Variants in DOCK1 observed in about 807,000 individuals in gnomAD.
The protein encoded by DOCK1 is dedicator of cytokinesis 1, also known as dedicator of cytokinesis protein 1.
DOCK1 carries 138 observed loss-of-function variants against 262.7 expected under a neutral mutation model. The ratio of observed to expected loss-of-function variants is 0.53; its 90% CI spans 0.46 to 0.61. The LOEUF (loss-of-function observed/expected upper bound fraction) is 0.61, where lower values mean the gene tolerates loss of function less well. DOCK1 is among the 20% of genes least tolerant of loss of function. The probability of loss-of-function intolerance (pLI) is 0.00; values close to 1 mark genes in which losing one functional copy is unlikely to be tolerated. For missense variants in DOCK1, 1,908 were observed against 2,370.7 expected (o/e 0.80, Z 4.05); for synonymous variants, 866 against 867.4 (o/e 1.00, Z 0.03).
chr10:127,248,759 A>C (rs2059517133), intron 28 of DOCK1, among the ~76,000 whole-genome samples: 1 of 152,180 alleles, frequency 6.6e-6, no homozygotes, highest in South Asian at 2.1e-4. Context: ...CTAAGATTCC[A>C]TTTCTAAGGA....
chr10:127,154,084 T>C (rs947159491), intron 27 of DOCK1, among the ~76,000 whole-genome samples: 2 of 152,230 alleles, frequency 1.3e-5, no homozygotes, highest in Non-Finnish European at 2.9e-5. Flanking sequence ...TCTGCTTTCG[T>C]TGTACAAAAC....
At chr10:127,014,084 C>T (rs1275434508) in intron 12 of DOCK1, among the ~76,000 whole-genome samples, 2 of 152,368 alleles carry the variant, frequency 1.3e-5, no homozygotes, top group African/African-American at 2.4e-5. Context: ...TGTCCACATG[C>T]GCCTCCTGTC....
chr10:126,945,782 G>A (rs967500972), intron 1 of DOCK1, among the ~76,000 whole-genome samples: 32,474 of 152,186 alleles, frequency 0.21, 3,582 homozygotes, highest in Middle Eastern at 0.25. Flanking sequence ...TATGGCTGGC[G>A]GTCGTGAGCA....
intron 29 of DOCK1, among the ~76,000 whole-genome samples, chr10:127,303,054 G>A (rs2061744210): frequency 1.3e-5 from 2 of 152,140 alleles, no homozygotes; most frequent in South Asian, 4.1e-4. Context: ...GAGTTATTCT[G>A]ACAACGGTTA....
At chr10:127,427,165 G>A (rs1335351780) in intron 47 of DOCK1, among the ~76,000 whole-genome samples, 1 of 152,226 alleles carries the variant, frequency 6.6e-6, no homozygotes, top group Non-Finnish European at 1.5e-5. Context: ...TCTGTCTACT[G>A]GAATTCCATG....
At chr10:127,053,013 C>T (rs1465857539) in intron 22 of DOCK1, among the ~76,000 whole-genome samples, 198 bp downstream of exon 22, 1 of 152,184 alleles carries the variant, frequency 6.6e-6, no homozygotes, top group East Asian at 1.9e-4. Flanking sequence ...GGGTCCCTGC[C>T]GGTGCTGAGG....
intron 28 of DOCK1, among the ~76,000 whole-genome samples, chr10:127,253,536 C>T (rs1222124655): frequency 6.6e-6 from 1 of 152,146 alleles, no homozygotes; most frequent in Non-Finnish European, 1.5e-5. Context: ...TCTCTTTCCA[C>T]TGTGGATCAC....
intron 27 of DOCK1, among the ~76,000 whole-genome samples, chr10:127,166,652 T>G (rs2054114920): frequency 6.6e-6 from 1 of 152,242 alleles, no homozygotes; most frequent in South Asian, 2.1e-4. Context: ...TGTATGGGGA[T>G]TCTCATTTCA....
intron 32 of DOCK1, among the ~76,000 whole-genome samples, chr10:127,355,517 C>G (rs2064103605): frequency 6.6e-6 from 1 of 152,178 alleles, no homozygotes; most frequent in Non-Finnish European, 1.5e-5. Context: ...TGCCTCAGTC[C>G]TGAGCAAAGC....
chr10:127,370,246 CT>C (rs1340304011), intron 33 of DOCK1, among the ~76,000 whole-genome samples: 1 of 152,192 alleles, frequency 6.6e-6, no homozygotes, highest in Non-Finnish European at 1.5e-5. Flanking sequence ...CAGCATTGTA[CT>C]AAGGTTTATT....
rs367558225 is a variant in DOCK1, at chr10:127,079,417, T to C, written c.2445+17641T>C. On this transcript the variant is annotated intron_variant, in intron 23 of 51. Transcript: ENST00000623213. ...TCTCCAAACAAAGTGGTTACCTCTT[T>C]AAAATAGGCAGTGAACATCAAGGAA... is the stretch of plus-strand genomic sequence containing the variant. 6.6e-5 allele frequency among the ~76,000 whole-genome samples: 10 copies of C among 152,314 alleles called. No homozygotes were observed. The South Asian group carries it at 2.1e-3, about 32-fold the overall frequency.
At chr10:127,401,552 A>T (rs533131185) in intron 38 of DOCK1, among the ~76,000 whole-genome samples, 35 of 152,162 alleles carry the variant, frequency 2.3e-4, no homozygotes, top group African/African-American at 8.2e-4. Context: ...ATGCCCCTGG[A>T]AGGTTACCAG....
chr10:127,019,228 T>G (rs918555019), intron 13 of DOCK1, among the ~76,000 whole-genome samples: 7 of 152,182 alleles, frequency 4.6e-5, no homozygotes, highest in African/African-American at 1.7e-4. Flanking sequence ...CTGCGCCCGC[T>G]CAGCTAGTGT....
intron 23 of DOCK1, among the ~76,000 whole-genome samples, chr10:127,068,471 G>C (rs796987655): frequency 1.2e-3 from 23 of 19,200 alleles, no homozygotes; most frequent in African/African-American, 6.8e-3. Flanking sequence ...TCGCCCCTTC[G>C]TCTTTATATG....
chr10:126,946,119 T>C (rs2035381882), intron 1 of DOCK1, among the ~76,000 whole-genome samples: 1 of 152,214 alleles, frequency 6.6e-6, no homozygotes, highest in African/African-American at 2.4e-5. Context: ...AAAATATATA[T>C]AACATAGAAT....
chr10:127,184,239 A>G (rs1185790609), intron 27 of DOCK1, among the ~76,000 whole-genome samples: 1 of 152,158 alleles, frequency 6.6e-6, no homozygotes, highest in Non-Finnish European at 1.5e-5. Flanking sequence ...ACCCATCTCC[A>G]ACTTAGTAGA....
chr10:127,402,799 G>C, intron 38 of DOCK1: 1 of 611,976 alleles, frequency 1.6e-6, no homozygotes, highest in Non-Finnish European at 3.1e-6. Flanking sequence ...CTGGCTGACA[G>C]ACTGCTGTTA....
Position 127,100,391 on chromosome 10 carries a change from C to T in DOCK1, c.2446-5840C>T, listed in dbSNP as rs999839695. 2.6e-5 allele frequency among the ~76,000 whole-genome samples: 4 copies of T among 152,152 alleles called. No individual in the cohort carries two copies. The highest frequency in any genetic ancestry group is 2.0e-4 in the Admixed American group (3 of 15,276). On this transcript the variant is annotated intron_variant, in intron 23 of 51. Transcript: ENST00000623213. This position sits in a 1 kb window ranked among gnomAD's most constrained non-coding sequence, Gnocchi z 5.5. ...TGATGCCCAGGCCTGTGGCATGCAG[C>T]TGGGGCTTGGCGGTGCAGCGCCTGG... is the stretch of plus-strand genomic sequence containing the variant.
chr10:127,274,727 G>T (rs938383878), intron 29 of DOCK1, among the ~76,000 whole-genome samples: 3 of 152,186 alleles, frequency 2.0e-5, no homozygotes, highest in Non-Finnish European at 4.4e-5. Context: ...AGGTGGGAGT[G>T]TTCCCGAGCT....
Sources: allele counts gnomAD v4.1 joint callset (sites outside exome capture counted in the v4.1 genomes callset), GRCh38; gene constraint gnomAD v4.1.1; non-coding constraint Gnocchi (gnomAD v3.1); transcripts MANE v1.5; gene names NCBI Gene and HGNC (gene_info 2026-07-23, HGNC 2026-07-21).